ATXN7L1: variants seen among roughly 807,000 people sequenced by gnomAD.
The protein encoded by ATXN7L1 is ataxin 7 like 1.
ATXN7L1 carries 15 observed loss-of-function variants against 70.8 expected under a neutral mutation model. The ratio of observed to expected loss-of-function variants is 0.21; its 90% CI spans 0.14 to 0.33. ATXN7L1 has a LOEUF of 0.33. Among genes scored for constraint, ATXN7L1 ranks in the 10% least tolerant of loss-of-function variants. The pLI is 1.00. For synonymous variants in ATXN7L1, 440 were observed against 445.1 expected, an observed-to-expected ratio of 0.99 and a Z score of 0.14; for missense variants, 975 against 1,097.1, an observed-to-expected ratio of 0.89 and a Z score of 1.57.
intron 3 of ATXN7L1, among the ~76,000 whole-genome samples, chr7:105,706,796 A>G (rs1793236071): frequency 6.6e-6 from 1 of 152,246 alleles, no homozygotes; most frequent in South Asian, 2.1e-4. Context: ...CTCTGGCCTA[A>G]TGAAAAACAA....
intron 2 of ATXN7L1, among the ~76,000 whole-genome samples, chr7:105,864,456 CAAAAAAA>C (rs34739253): frequency 2.4e-5 from 1 of 41,062 alleles, no homozygotes; most frequent in Non-Finnish European, 4.0e-5. Context: ...GGCCCTGTCT[CAAAAAAA>C]AAAAAAAAAA....
In ATXN7L1 at chr7:105,665,143, CG is replaced by C; in HGVS notation, c.500del (p.Thr167SerfsTer32). ...SASSTSKPFK[T>X]PKDNLLTSSS... is the part of the protein sequence containing the mutation. Reference sequence around the variant, plus strand: ...TGGAGGTAAGTAGATTGTCTTTGGGCGTTTTGAATGGCTTTGAGGTGCTGCT... The same window carrying C: ...TGGAGGTAAGTAGATTGTCTTTGGGCTTTTGAATGGCTTTGAGGTGCTGCT... On this transcript the variant is annotated frameshift_variant, in exon 4 of 12. Transcript: ENST00000419735. LOFTEE classifies it high-confidence loss of function. 6.4e-7 allele frequency: 1 copy of C among 1,551,654 alleles called. No individual in the cohort carries two copies. The highest frequency in any genetic ancestry group is 8.7e-7 in the Non-Finnish European group (1 of 1,146,996).
chr7:105,853,786 A>G (rs1815266454), intron 2 of ATXN7L1, among the ~76,000 whole-genome samples: 1 of 152,104 alleles, frequency 6.6e-6, no homozygotes, highest in Non-Finnish European at 1.5e-5. Flanking sequence ...AAAACAAAAC[A>G]AAACAAAAAC....
chr7:105,792,292 G>A (rs1222571957), intron 2 of ATXN7L1, among the ~76,000 whole-genome samples: 3 of 152,222 alleles, frequency 2.0e-5, no homozygotes, highest in East Asian at 1.9e-4. Flanking sequence ...GAAAGTGAGA[G>A]GACCTGGGAA....
At chr7:105,757,164 T>C (rs1382029431) in intron 3 of ATXN7L1, among the ~76,000 whole-genome samples, 1 of 152,180 alleles carries the variant, frequency 6.6e-6, no homozygotes, top group Admixed American at 6.5e-5. Context: ...CTCTCTATTC[T>C]TATTTCTTTC....
intron 2 of ATXN7L1, among the ~76,000 whole-genome samples, chr7:105,840,716 T>C (rs992333381): frequency 6.6e-6 from 1 of 152,122 alleles, no homozygotes; most frequent in Non-Finnish European, 1.5e-5. Context: ...AAGAAAGAAA[T>C]GGGGTATACT....
chr7:105,672,897 A>G (rs1180170677), intron 3 of ATXN7L1, among the ~76,000 whole-genome samples: 2 of 152,270 alleles, frequency 1.3e-5, no homozygotes, highest in Non-Finnish European at 2.9e-5. Flanking sequence ...CCAGTACCAA[A>G]GAAATGAAAA....
At chr7:105,719,061 AC>A (rs1476524677) in intron 3 of ATXN7L1, among the ~76,000 whole-genome samples, 2 of 152,318 alleles carry the variant, frequency 1.3e-5, no homozygotes, top group African/African-American at 4.8e-5. Context: ...TACAGTGGCC[AC>A]CAGCCTCACA....
chr7:105,824,760 T>C (rs901599223), intron 2 of ATXN7L1, among the ~76,000 whole-genome samples: 5 of 151,448 alleles, frequency 3.3e-5, no homozygotes, highest in Admixed American at 1.3e-4. Flanking sequence ...TTGAAGAATA[T>C]GCATTTCCAA....
chr7:105,619,518 ATATATATATATATTTTTTTTTTTTTTTT>A (rs1794548958), intron 9 of ATXN7L1, among the ~76,000 whole-genome samples: 4 of 28,884 alleles, frequency 1.4e-4, no homozygotes, highest in African/African-American at 1.4e-4. Context: ...ATATATATAT[ATATATATATATATTTTTTTTTTTTTTTT>A]TTTTTTTTTT....
chr7:105,664,920 T>C, intron 4 of ATXN7L1, 146 bp downstream of exon 4: 1 of 773,308 alleles, frequency 1.3e-6, no homozygotes, highest in Non-Finnish European at 2.1e-6. Flanking sequence ...TCCATCATTT[T>C]GGGTTTCTGT....
At chr7:105,722,387 CTCTG>C (rs1441114474) in intron 3 of ATXN7L1, among the ~76,000 whole-genome samples, 1 of 151,702 alleles carries the variant, frequency 6.6e-6, no homozygotes, top group African/African-American at 2.4e-5. Flanking sequence ...CATGATGAAA[CTCTG>C]TCTGTACTAA....
chr7:105,845,014 G>A (rs111261405), intron 2 of ATXN7L1, among the ~76,000 whole-genome samples: 14,293 of 151,918 alleles, frequency 0.094, 819 homozygotes, highest in East Asian at 0.22. Flanking sequence ...AGACCAGCCT[G>A]GCCAACATGG....
intron 2 of ATXN7L1, among the ~76,000 whole-genome samples, chr7:105,813,880 T>C (rs1380143955): frequency 1.3e-5 from 2 of 152,182 alleles, no homozygotes; most frequent in Admixed American, 6.5e-5. Flanking sequence ...TTGAGATAGC[T>C]GGGTGTTTTC....
intron 3 of ATXN7L1, among the ~76,000 whole-genome samples, chr7:105,743,681 C>T (rs912280797): frequency 2.6e-5 from 4 of 152,204 alleles, no homozygotes; most frequent in African/African-American, 7.2e-5. Flanking sequence ...GACCTTCTGA[C>T]CCACCAGCCA....
At chr7:105,868,806 GT>G (rs1201566643) in intron 2 of ATXN7L1, among the ~76,000 whole-genome samples, 1 of 152,178 alleles carries the variant, frequency 6.6e-6, no homozygotes, top group African/African-American at 2.4e-5. Context: ...TCTTCTAGCA[GT>G]AAAAACATTA....
intron 2 of ATXN7L1, among the ~76,000 whole-genome samples, chr7:105,834,880 G>A (rs1169442859): frequency 2.0e-5 from 3 of 152,188 alleles, no homozygotes; most frequent in East Asian, 3.9e-4. Flanking sequence ...GGCTGCAGAC[G>A]AAACGCAATC....
intron 2 of ATXN7L1, among the ~76,000 whole-genome samples, chr7:105,866,198 C>T (rs925809063): frequency 3.3e-5 from 5 of 152,150 alleles, no homozygotes; most frequent in African/African-American, 1.2e-4. Flanking sequence ...CATTAATGTT[C>T]ACAGATTTAC....
At chr7:105,738,129 T>C (rs547537031) in intron 3 of ATXN7L1, among the ~76,000 whole-genome samples, 78 of 152,320 alleles carry the variant, frequency 5.1e-4, no homozygotes, top group African/African-American at 1.8e-3. Context: ...TATGAAAAGA[T>C]AGATTTAAAA....
Sources: allele counts gnomAD v4.1 joint callset (sites outside exome capture counted in the v4.1 genomes callset), GRCh38; gene constraint gnomAD v4.1.1; transcripts MANE v1.5; gene names NCBI Gene and HGNC (gene_info 2026-07-23, HGNC 2026-07-21).